The following PCDHA4 variants were observed in gnomAD, a reference collection of about 807,000 sequenced individuals.
The protein encoded by PCDHA4 is protocadherin alpha-4.
Under a neutral mutation model 61.4 loss-of-function variants are expected in PCDHA4, and 49 were observed. The ratio of observed to expected loss-of-function variants is 0.80; its 90% confidence interval spans 0.63 to 1.01. The LOEUF is 1.01. Ranked by LOEUF, PCDHA4 falls within the 50% of genes least tolerant of loss-of-function variation. PCDHA4 has a pLI of 0.00. For synonymous variants in PCDHA4, 590 were observed against 550.3 expected, an observed-to-expected ratio of 1.07 and a Z score of -1.01; for missense variants, 1,254 against 1,235.8, an observed-to-expected ratio of 1.01 and a Z score of -0.22.
intron 1 of PCDHA4, among the ~76,000 whole-genome samples, chr5:140,817,910 A>T (rs191230679): frequency 5.8e-4 from 89 of 152,298 alleles, no homozygotes; most frequent in Admixed American, 5.7e-3. Context: ...ATGACATTCC[A>T]TGGTCTTCTT....
chr5:140,921,213 G>T (rs759293646), intron 1 of PCDHA4, among the ~76,000 whole-genome samples: 1 of 151,496 alleles, frequency 6.6e-6, no homozygotes, highest in Admixed American at 6.6e-5. Flanking sequence ...GATAATTCAC[G>T]TCTTTTTTGC....
In PCDHA4 at chr5:140,871,640, A is replaced by T; in HGVS notation, c.2385+62068A>T. 6 of 1,294,228 alleles carry T rather than the reference A, an allele frequency of 4.6e-6. No homozygotes were observed. The South Asian group carries it at 9.7e-5, about 21-fold the overall frequency. 80.2% of individuals were successfully genotyped at this position (1,294,228 alleles called of 1,614,324 possible). A position where few individuals can be genotyped will look rare whatever the true frequency, so the allele number is the denominator to read the frequency against. On this transcript the variant is annotated intron_variant, in intron 1 of 3. Transcript: ENST00000530339. The stretch of plus-strand genomic sequence containing the variant: ...TTAGATAACAATGTCTGTTCATAAA[A>T]TACCAAATGATACACATCTTCAGTC...
intron 3 of PCDHA4, among the ~76,000 whole-genome samples, chr5:141,009,180 T>C (rs1272195338): frequency 6.6e-6 from 1 of 152,170 alleles, no homozygotes; most frequent in Non-Finnish European, 1.5e-5. Context: ...CTTGGCTGGG[T>C]GTGGTAGCTC....
At chr5:140,841,397 G>T in intron 1 of PCDHA4, 3 of 1,613,254 alleles carry the variant, frequency 1.9e-6, no homozygotes, top group Non-Finnish European at 2.5e-6. Flanking sequence ...AGCCTGGAAG[G>T]TGGGGAGCGG....
chr5:140,890,775 CATAAG>C (rs1358140207), intron 1 of PCDHA4, among the ~76,000 whole-genome samples: 5 of 152,040 alleles, frequency 3.3e-5, no homozygotes, highest in Admixed American at 6.6e-5. Context: ...TTTAAAACCC[CATAAG>C]ATATTAGTAT....
At chr5:140,953,408 TG>T (rs782455726) in intron 1 of PCDHA4, among the ~76,000 whole-genome samples, 5 of 152,168 alleles carry the variant, frequency 3.3e-5, no homozygotes, top group Non-Finnish European at 5.9e-5. Context: ...CTGTTGCTCC[TG>T]GCTCCTCCCC....
rs782544974 is a variant in PCDHA4, at chr5:140,808,867, C to T, written c.1680C>T (p.Asp560=). The change falls in exon 1 of 4, where the codon GAC becomes GAT. Residue 560 remains aspartate, a synonymous_variant. Coordinates refer to ENST00000530339, the MANE Select transcript of PCDHA4 (RefSeq NM_018907.4). ...TLQVFVLDEN[D]NAPALLAPRA... is the part of the protein sequence containing the mutation. ...AGGTGTTCGTGCTGGACGAAAACGA[C>T]AACGCGCCAGCACTGCTAGCGCCTC... 1.1e-5 allele frequency: 18 copies of T among 1,613,062 alleles called. No homozygotes were observed. The highest frequency in any genetic ancestry group is 4.0e-5 in the African/African-American group (3 of 74,928).
intron 1 of PCDHA4, among the ~76,000 whole-genome samples, chr5:140,970,591 T>G (rs1159349152): frequency 2.6e-5 from 4 of 152,150 alleles, no homozygotes; most frequent in African/African-American, 9.7e-5. Flanking sequence ...GAGATATGCT[T>G]TGTGATACTT....
intron 1 of PCDHA4, among the ~76,000 whole-genome samples, chr5:140,844,649 T>G (rs1416986157): frequency 6.7e-6 from 1 of 149,658 alleles, no homozygotes; most frequent in Non-Finnish European, 1.5e-5. Flanking sequence ...AATTTCATTC[T>G]TGCAAACCAA....
At chr5:140,834,072 A>G (rs2150213347) in intron 1 of PCDHA4, among the ~76,000 whole-genome samples, 43 of 152,334 alleles carry the variant, frequency 2.8e-4, no homozygotes, top group Admixed American at 5.9e-4. Flanking sequence ...GAGAAATGCT[A>G]TTTTAACCTT....
chr5:140,848,923 C>A (rs2150425002), intron 1 of PCDHA4: 1 of 1,607,740 alleles, frequency 6.2e-7, no homozygotes, highest in Non-Finnish European at 8.5e-7. Flanking sequence ...CTGTTCATCG[C>A]GGAATCCAGG....
At chr5:140,828,008 A>T (rs1427962519) in intron 1 of PCDHA4, 2 of 1,505,342 alleles carry the variant, frequency 1.3e-6, no homozygotes, top group African/African-American at 2.8e-5. Flanking sequence ...CGCAGAAGAA[A>T]TGGATTAATA....
chr5:140,919,607 A>T (rs1357882512), intron 1 of PCDHA4, among the ~76,000 whole-genome samples: 1 of 152,158 alleles, frequency 6.6e-6, no homozygotes. Context: ...ATAAATTTTA[A>T]ACTGTATCTT....
intron 1 of PCDHA4, chr5:140,853,410 G>A (rs1291135105): frequency 1.0e-6 from 1 of 986,108 alleles, no homozygotes; most frequent in African/African-American, 1.8e-5. Context: ...AAACAGAGAG[G>A]TGAAAGCAGA....
At chr5:140,969,382 TC>T in intron 1 of PCDHA4, 1 of 1,597,954 alleles carries the variant, frequency 6.3e-7, no homozygotes, top group Non-Finnish European at 8.5e-7. Flanking sequence ...TTGTTACACA[TC>T]CCCCAATATC....
At chr5:140,847,798 C>G (rs1359098048) in intron 1 of PCDHA4, 1 of 149,600 alleles carries the variant, frequency 6.7e-6, no homozygotes, top group Non-Finnish European at 1.5e-5. Context: ...TATTTTATAC[C>G]TTTTCAATTC....
chr5:140,855,356 T>C (rs892931539), intron 1 of PCDHA4, among the ~76,000 whole-genome samples: 1 of 149,998 alleles, frequency 6.7e-6, no homozygotes, highest in African/African-American at 2.4e-5. Context: ...GTCATGTGGC[T>C]AGTGAGTAGG....
chr5:141,000,805 G>C (rs1049253262), intron 3 of PCDHA4, among the ~76,000 whole-genome samples: 2 of 151,852 alleles, frequency 1.3e-5, no homozygotes, highest in Non-Finnish European at 2.9e-5. Context: ...TACTCAGAAG[G>C]CTGAGGTGGG....
chr5:140,823,087 G>A lies in PCDHA4; in HGVS notation c.2385+13515G>A, dbSNP rs144534621. 1,857 of 1,613,942 alleles carry A rather than the reference G, an allele frequency of 1.2e-3. 15 individuals are homozygous for A. In the African/African-American group the frequency reaches 0.019, roughly 16 times the overall value. On this transcript the variant is annotated intron_variant, in intron 1 of 3. Transcript: ENST00000530339. ...GGGCTCGCCTTCGCTGTGGGCCACC[G>A]CCAGCGTGTCTGTGGAAGTGGCCGA...
Sources: gnomAD v4.1 joint callset for allele counts (sites outside exome capture counted in the v4.1 genomes callset) on GRCh38, gnomAD v4.1.1 for gene constraint, MANE v1.5 for transcripts, NCBI Gene and HGNC (gene_info 2026-07-23, HGNC 2026-07-21) for gene names.